BTBD9: variants seen among roughly 807,000 people sequenced by gnomAD.
BTBD9 encodes BTB/POZ domain-containing protein 9.
Under a neutral mutation model 64.3 loss-of-function variants are expected in BTBD9, and 49 were observed. The observed-to-expected ratio is 0.76, with a 90% CI of 0.61 to 0.97. BTBD9 has a LOEUF of 0.97. Among genes scored for constraint, BTBD9 ranks in the 50% least tolerant of loss-of-function variants. The pLI, the probability that BTBD9 is intolerant of heterozygous loss-of-function variation, is 0.00. For synonymous variants in BTBD9, 260 were observed against 274.7 expected (o/e 0.95, Z 0.53); for missense variants, 598 against 762.1 (o/e 0.78, Z 2.53).
intron 6 of BTBD9, among the ~76,000 whole-genome samples, chr6:38,487,742 C>T (rs1460668520): frequency 2.6e-5 from 4 of 152,010 alleles, no homozygotes; most frequent in South Asian, 2.1e-4. Context: ...CAAGTATCAC[C>T]AGGTATGACT....
intron 10 of BTBD9, among the ~76,000 whole-genome samples, chr6:38,186,571 G>A (rs1030955030): frequency 2.6e-5 from 4 of 152,128 alleles, no homozygotes; most frequent in Non-Finnish European, 4.4e-5. Flanking sequence ...GGAGAGATGG[G>A]TGTACAGATG....
intron 6 of BTBD9, among the ~76,000 whole-genome samples, chr6:38,408,622 A>G (rs970400384): frequency 5.9e-5 from 9 of 152,212 alleles, no homozygotes; most frequent in African/African-American, 2.2e-4. Context: ...TAACAAGAAA[A>G]ATCCCTGAAA....
intron 6 of BTBD9, among the ~76,000 whole-genome samples, chr6:38,474,950 C>T (rs893068388): frequency 6.6e-6 from 1 of 151,986 alleles, no homozygotes; most frequent in Non-Finnish European, 1.5e-5. Context: ...TTCATCAGAG[C>T]GTTATTTACA....
At chr6:38,490,245 A>G (rs975296650) in intron 6 of BTBD9, among the ~76,000 whole-genome samples, 8 of 152,166 alleles carry the variant, frequency 5.3e-5, no homozygotes, top group Non-Finnish European at 7.4e-5. Context: ...CAAATCTCCC[A>G]TTCTCTCTGG....
intron 6 of BTBD9, among the ~76,000 whole-genome samples, chr6:38,474,757 T>A (rs889661868): frequency 6.6e-6 from 1 of 152,156 alleles, no homozygotes; most frequent in Non-Finnish European, 1.5e-5. Flanking sequence ...TTCTTAAACA[T>A]AATTACATTC....
intron 6 of BTBD9, among the ~76,000 whole-genome samples, chr6:38,575,474 C>T (rs891431367): frequency 6.6e-6 from 1 of 152,140 alleles, no homozygotes; most frequent in South Asian, 2.1e-4. Context: ...TGAACACTTA[C>T]GTGCTAAGGA....
intron 4 of BTBD9, chr6:38,588,561 C>T: frequency 1.6e-6 from 1 of 617,436 alleles, no homozygotes; most frequent in Admixed American, 3.2e-5. Flanking sequence ...AATGTAGCTG[C>T]TAGCTATTGG....
chr6:38,416,253 C>T (rs1326642131), intron 6 of BTBD9, among the ~76,000 whole-genome samples: 2 of 151,840 alleles, frequency 1.3e-5, no homozygotes, highest in Non-Finnish European at 2.9e-5. Flanking sequence ...CCCTGCCTAC[C>T]CTAATCTCTT....
At chr6:38,297,037 T>A (rs1762180703) in intron 7 of BTBD9, among the ~76,000 whole-genome samples, 1 of 152,208 alleles carries the variant, frequency 6.6e-6, no homozygotes, top group African/African-American at 2.4e-5. Flanking sequence ...ATTATTCGAA[T>A]ATTTATATGC....
chr6:38,557,233 C>T (rs1446613464), intron 6 of BTBD9, among the ~76,000 whole-genome samples: 1 of 151,854 alleles, frequency 6.6e-6, no homozygotes, highest in Non-Finnish European at 1.5e-5. Context: ...GCAATCCCAG[C>T]TACTCAGGAG....
chr6:38,171,561 T>A lies in BTBD9; in HGVS notation c.*3424A>T, dbSNP rs1581985418. ...CTGAGAAAATGGTAAAACGGGTGTG[T>A]GTGTGTGTGTGTGTGTGTGTGTGTG... On this transcript the variant is annotated 3_prime_UTR_variant, in exon 11 of 11. Coordinates refer to ENST00000481247, the MANE Select transcript of BTBD9 (RefSeq NM_001099272.2). 3 of 2,810 alleles carry A rather than the reference T, an allele frequency of 1.1e-3. No individual in the cohort carries two copies. Among genetic ancestry groups the A allele is most frequent in the Admixed American group, 2.6e-3 (1 of 392 alleles). The allele number at this position is 2,810 out of a possible 1,614,324, so 0.2% of individuals were successfully genotyped here. A position where few individuals can be genotyped will look rare whatever the true frequency, so the allele number is the denominator to read the frequency against.
rs570748321 is a variant in BTBD9, at chr6:38,581,764, A to G, written c.815-1327T>C. On this transcript the variant is annotated intron_variant, in intron 4 of 10. Coordinates refer to ENST00000481247, the MANE Select transcript of BTBD9 (RefSeq NM_001099272.2). ...CATTTCTCAATGGGGTGGGGGGGAG[A>G]CCATATCTATCCCCCAGGTGTTTCT... Among the ~76,000 whole-genome samples, 216 of 152,260 alleles carry G rather than the reference A, an allele frequency of 1.4e-3. 3 individuals carry two copies. The highest frequency in any genetic ancestry group is 0.01 in the Middle Eastern group (3 of 294).
chr6:38,327,583 G>A (rs1326439730), intron 7 of BTBD9, among the ~76,000 whole-genome samples: 1 of 152,092 alleles, frequency 6.6e-6, no homozygotes, highest in Non-Finnish European at 1.5e-5. Flanking sequence ...AGACATAACT[G>A]ACATATAATA....
intron 1 of BTBD9, among the ~76,000 whole-genome samples, chr6:38,634,619 T>C (rs1335967217): frequency 2.0e-5 from 3 of 152,000 alleles, no homozygotes; most frequent in African/African-American, 4.8e-5. Flanking sequence ...CAAAGTCAAA[T>C]GCACATAGCT....
At chr6:38,222,943 G>C (rs1763266173) in intron 9 of BTBD9, among the ~76,000 whole-genome samples, 1 of 152,088 alleles carries the variant, frequency 6.6e-6, no homozygotes, top group African/African-American at 2.4e-5. Context: ...TTTTGTTCTT[G>C]TTGCCCATGC....
chr6:38,211,204 T>C (rs1032394390), intron 9 of BTBD9, among the ~76,000 whole-genome samples: 1 of 151,828 alleles, frequency 6.6e-6, no homozygotes, highest in African/African-American at 2.4e-5. Flanking sequence ...CCGAGGCGGG[T>C]GGATCACGAG....
At chr6:38,361,082 ACCCTGG>A (rs1346808967) in intron 6 of BTBD9, among the ~76,000 whole-genome samples, 1 of 151,922 alleles carries the variant, frequency 6.6e-6, no homozygotes, top group Non-Finnish European at 1.5e-5. Context: ...GTGTTTCTTG[ACCCTGG>A]TTGTGTATCA....
intron 7 of BTBD9, among the ~76,000 whole-genome samples, chr6:38,329,450 G>C (rs1763589788): frequency 6.6e-6 from 1 of 151,642 alleles, no homozygotes; most frequent in African/African-American, 2.4e-5. Context: ...AGCCTCCGGA[G>C]TAGCTGGGAT....
At chr6:38,567,001 C>T (rs1775553686) in intron 6 of BTBD9, among the ~76,000 whole-genome samples, 2 of 152,190 alleles carry the variant, frequency 1.3e-5, no homozygotes, top group Non-Finnish European at 2.9e-5. Flanking sequence ...TTTTTCATTA[C>T]TGTTGATTTG....
Sources: gnomAD v4.1 joint callset for allele counts (sites outside exome capture counted in the v4.1 genomes callset) on GRCh38, gnomAD v4.1.1 for gene constraint, MANE v1.5 for transcripts, NCBI Gene and HGNC (gene_info 2026-07-23, HGNC 2026-07-21) for gene names.